The following RPS2 variants were observed in gnomAD, a reference collection of about 807,000 sequenced individuals.
RPS2 encodes the protein small ribosomal subunit protein uS5.
Under a neutral mutation model 25.3 loss-of-function variants are expected in RPS2, and 8 were observed. The ratio of observed to expected loss-of-function variants is 0.32; its 90% CI spans 0.19 to 0.57. The LOEUF (loss-of-function observed/expected upper bound fraction) is 0.57. Among genes scored for constraint, RPS2 ranks in the 20% least tolerant of loss-of-function variants. The pLI is 0.90. For synonymous variants in RPS2, 181 were observed against 161.3 expected, an observed-to-expected ratio of 1.12 and a Z score of -0.92; for missense variants, 229 against 408.1, an observed-to-expected ratio of 0.56 and a Z score of 3.78.
At position 1,963,222 on chromosome 16, in the gene RPS2, G is replaced by C. The variant is rs1207931958; in HGVS notation, c.302C>G (p.Ser101Cys). ...AATCTTCAAAACCTCATCCTTGAGAGAGGCCCCCAGGAAGAAATCAATGAT... is the reference window on the plus strand; with the variant it reads ...AATCTTCAAAACCTCATCCTTGAGACAGGCCCCCAGGAAGAAATCAATGAT... ...SEIIDFFLGA[S>C]LKDEVLKIMP... is the part of the protein sequence containing the mutation. Residue 101 changes from serine (S) to cysteine (C), a missense_variant, in exon 4 of 7, where the codon TCT becomes TGT. Physicochemically the swap from Ser to Cys is moderately radical, Grantham distance 112. This residue lies in a region of RPS2 where 70 missense variants were observed against 119.0 expected (regional missense o/e 0.59). Transcript: ENST00000343262. The C allele has an allele frequency of 1.9e-6, 3 of 1,552,022 alleles. No individual in the cohort carries two copies. The highest frequency in any genetic ancestry group is 1.9e-5 in the Admixed American group (1 of 53,076).
rs2083261075 is a variant in RPS2, at chr16:1,962,065, C to T, written c.*33G>A. 1 of 1,520,566 alleles carries T rather than the reference C, an allele frequency of 6.6e-7. No individual in the cohort carries two copies. The highest frequency in any genetic ancestry group is 8.8e-7 in the Non-Finnish European group (1 of 1,133,652). 94.2% of individuals were successfully genotyped at this position (1,520,566 alleles called of 1,614,324 possible). A position where few individuals can be genotyped will look rare whatever the true frequency, so the allele number is the denominator to read the frequency against. On this transcript the variant is annotated 3_prime_UTR_variant, in exon 7 of 7. Coordinates refer to ENST00000343262, the MANE Select transcript of RPS2 (RefSeq NM_002952.4). Reference sequence around the variant, plus strand: ...GACACGGGAAAAAAACAGTAACACGCTTAATTCACTTTATTTTTCTTGTAT... The same window carrying T: ...GACACGGGAAAAAAACAGTAACACGTTTAATTCACTTTATTTTTCTTGTAT...
In RPS2 at chr16:1,963,098, C is replaced by T. The variant is rs374620779; in HGVS notation, c.375+51G>A. ...GAAGCCAAGTGCAACTATGCAGAGCCGAGAGAGTCCCGGCAAGCCCAGCGC... is the reference window on the plus strand; with the variant it reads ...GAAGCCAAGTGCAACTATGCAGAGCTGAGAGAGTCCCGGCAAGCCCAGCGC... On this transcript the variant is annotated intron_variant, in intron 4 of 6. Coordinates refer to ENST00000343262, the MANE Select transcript of RPS2 (RefSeq NM_002952.4). 8 of 1,465,898 alleles carry T rather than the reference C, an allele frequency of 5.5e-6. No individual in the cohort carries two copies. The East Asian group carries it at 6.8e-5, about 12-fold the overall frequency. 90.8% of individuals were successfully genotyped at this position (1,465,898 alleles called of 1,614,324 possible).
At chr16:1,964,770 C>A in intron 1 of RPS2, 37 bp downstream of exon 1, 1 of 554,694 alleles carries the variant, frequency 1.8e-6, no homozygotes, top group Admixed American at 3.8e-5. Context: ...TCCCGCCGCC[C>A]ACGCAGAGGC....
chr16:1,964,178 C>A, intron 3 of RPS2, 98 bp downstream of exon 3: 1 of 886,066 alleles, frequency 1.1e-6, no homozygotes, highest in Non-Finnish European at 1.9e-6. Flanking sequence ...AGACGCTGGG[C>A]CCTTTAATGC....
rs1223985092 is a variant in RPS2, at chr16:1,964,603, G to A, written c.23C>T (p.Ala8Val). 1 of 1,517,502 alleles carries A rather than the reference G, an allele frequency of 6.6e-7. No individual in the cohort carries two copies. The highest frequency in any genetic ancestry group is 2.4e-5 in the East Asian group (1 of 42,260). 94.0% of individuals were successfully genotyped at this position (1,517,502 alleles called of 1,614,324 possible). ...GCCACCAGGGCCCCCGGGCCCCCCC[G>A]CTGCACCGGCGTCATCCGCCATTTG... is the stretch of plus-strand genomic sequence containing the variant. MADDAGA[A>V]GGPGGPGGPG... The change falls in exon 2 of 7, where the codon GCG becomes GTG. Residue 8 changes from alanine to valine, a missense_variant. Ala to Val is a moderately conservative substitution (Grantham distance 64). Transcript: ENST00000343262.
In RPS2 at chr16:1,964,456, T is replaced by C; in HGVS notation, c.170A>G (p.Asp57Gly). 1 of 1,611,162 alleles carries C rather than the reference T, an allele frequency of 6.2e-7. No homozygotes were observed. Reference protein sequence around the residue: ...GRGARGGKAEDKEWMPVTKLG... With the variant: ...GRGARGGKAEGKEWMPVTKLG... ...AGCGTGGCTGATACCTACCTCCTTATCCTCGGCCTTGCCTCCGCGAGCTCC... is the reference window on the plus strand; with the variant it reads ...AGCGTGGCTGATACCTACCTCCTTACCCTCGGCCTTGCCTCCGCGAGCTCC... The change falls in exon 2 of 7, where the codon GAT becomes GGT. Residue 57 changes from aspartate to glycine, a missense_variant. Physicochemically the swap from Asp to Gly is moderately conservative, Grantham distance 94 (BLOSUM62 -1). This residue lies in a region of RPS2 where 70 missense variants were observed against 119.0 expected (regional missense o/e 0.59). Coordinates refer to ENST00000343262, the MANE Select transcript of RPS2 (RefSeq NM_002952.4).
In RPS2 at chr16:1,963,619, C is replaced by CA. The variant is rs1045533064; in HGVS notation, c.268-364dup. On this transcript the variant is annotated intron_variant, in intron 3 of 6. Transcript: ENST00000343262. Reference sequence around the variant, plus strand: ...AAACTGTGTAACCGCCCACCCCGCCCAAAAAAAACCGAAGAAGTCATGAAC... The same window carrying CA: ...AAACTGTGTAACCGCCCACCCCGCCCAAAAAAAAACCGAAGAAGTCATGAAC... 4.6e-4 allele frequency: 153 copies of CA among 332,382 alleles called. 2 individuals are homozygous for CA. In the East Asian group the frequency reaches 5.6e-3, roughly 12 times the overall value. The allele number at this position is 332,382 out of a possible 1,614,324, so 20.6% of individuals were successfully genotyped here. A position where few individuals can be genotyped will look rare whatever the true frequency, so the allele number is the denominator to read the frequency against.
chr16:1,962,074 C>A lies in RPS2; in HGVS notation c.*24G>T, dbSNP rs764759160. 5.9e-6 allele frequency: 9 copies of A among 1,527,470 alleles called. No individual in the cohort carries two copies. Among genetic ancestry groups the A allele is most frequent in the Non-Finnish European group, 1.8e-6 (2 of 1,139,558 alleles). The allele number at this position is 1,527,470 out of a possible 1,614,324, so 94.6% of individuals were successfully genotyped here. On this transcript the variant is annotated 3_prime_UTR_variant, in exon 7 of 7. Coordinates refer to ENST00000343262, the MANE Select transcript of RPS2 (RefSeq NM_002952.4). Reference sequence around the variant, plus strand: ...AAAAAACAGTAACACGCTTAATTCACTTTATTTTTCTTGTATAAAAACCCT... The same window carrying A: ...AAAAAACAGTAACACGCTTAATTCAATTTATTTTTCTTGTATAAAAACCCT...
Position 1,964,611 on chromosome 16 carries a change from G to A in RPS2, c.15C>T (p.Ala5=), listed in dbSNP as rs776585687. The A allele has an allele frequency of 7.3e-6, 11 of 1,499,270 alleles. No homozygotes were observed. The African/African-American group carries it at 1.3e-4, about 18-fold the overall frequency. 92.9% of individuals were successfully genotyped at this position (1,499,270 alleles called of 1,614,324 possible). The change falls in exon 2 of 7, where the codon GCC becomes GCT. Residue 5 remains alanine (A), a synonymous_variant. Coordinates refer to ENST00000343262, the MANE Select transcript of RPS2 (RefSeq NM_002952.4). MADD[A]GAAGGPGGPG... Reference sequence around the variant, plus strand: ...GGCCCCCGGGCCCCCCCGCTGCACCGGCGTCATCCGCCATTTGCTGGGAAA... The same window carrying A: ...GGCCCCCGGGCCCCCCCGCTGCACCAGCGTCATCCGCCATTTGCTGGGAAA...
Position 1,964,494 on chromosome 16 carries a change from C to A in RPS2, c.132G>T (p.Arg44=). 2.5e-6 allele frequency: 4 copies of A among 1,604,624 alleles called. No individual in the cohort carries two copies. Among genetic ancestry groups the A allele is most frequent in the Non-Finnish European group, 3.4e-6 (4 of 1,176,460 alleles). The change falls in exon 2 of 7, where the codon CGG becomes CGT. Residue 44 remains arginine (R), a synonymous_variant. Transcript: ENST00000343262. ...RGRGRGRGRG[R]GRGRGARGGK... is the part of the protein sequence containing the mutation. ...CTCCGCGAGCTCCGCGGCCTCGGCC[C>A]CGGCCCCGTCCACGGCCGCGACCCC...
At chr16:1,964,711 C>T (rs773954859) in intron 1 of RPS2, 83 bp from the exon 2 acceptor site, 202 of 782,526 alleles carry the variant, frequency 2.6e-4, no homozygotes, top group Admixed American at 4.9e-4. Context: ...AGGGCTCCCG[C>T]CCAGGAGCGC....
chr16:1,962,281 AAAG>A lies in RPS2; in HGVS notation c.710-14_710-12del, dbSNP rs778021998. The A allele has an allele frequency of 6.2e-7, 1 of 1,612,580 alleles. No individual in the cohort carries two copies. The highest frequency in any genetic ancestry group is 1.7e-5 in the Admixed American group (1 of 59,998). Reference sequence around the variant, plus strand: ...CAAAGGTGGCCTTGGCTGCAAAACAAAAGAACCCCAGGAGGGTCAGTGGTGTGC... The same window carrying A: ...CAAAGGTGGCCTTGGCTGCAAAACAAAACCCCAGGAGGGTCAGTGGTGTGC... On this transcript the variant is annotated splice_polypyrimidine_tract_variant and intron_variant, in intron 6 of 6. Coordinates refer to ENST00000343262, the MANE Select transcript of RPS2 (RefSeq NM_002952.4).
intron 4 of RPS2, 92 bp from the exon 5 acceptor site, chr16:1,963,001 G>A (rs779526396): frequency 1.6e-5 from 23 of 1,459,640 alleles, no homozygotes; most frequent in East Asian, 4.5e-5. Context: ...GGAAAGAGAG[G>A]CCACAGTAAG....
chr16:1,964,203 T>A, intron 3 of RPS2, 73 bp downstream of exon 3: 1 of 1,119,478 alleles, frequency 8.9e-7, no homozygotes, highest in Non-Finnish European at 1.4e-6. Context: ...CAATGGCAGA[T>A]GCTAATCCTC....
chr16:1,963,933 T>C, intron 3 of RPS2: 1 of 398,606 alleles, frequency 2.5e-6, no homozygotes, highest in Non-Finnish European at 4.9e-6. Flanking sequence ...ACGCGGACTA[T>C]GACAGTTTGC....
chr16:1,963,025 C>T (rs1432203136), intron 4 of RPS2, 116 bp from the exon 5 acceptor site: 1 of 1,377,766 alleles, frequency 7.3e-7, no homozygotes, highest in African/African-American at 1.4e-5. Context: ...CATCCGAGGT[C>T]CTGAGGAGAT....
intron 1 of RPS2, 29 bp downstream of exon 1, chr16:1,964,778 G>C (rs957231440): frequency 9.0e-6 from 5 of 553,948 alleles, no homozygotes; most frequent in Non-Finnish European, 3.1e-6. Flanking sequence ...CCCACGCAGA[G>C]GCCCGCTGCA....
chr16:1,964,572 C>T lies in RPS2; in HGVS notation c.54G>A (p.Gly18=), dbSNP rs2083289756. ...CGCGGAAGCCACCGCGGTTCCCCATCCCAGGGCCACCAGGGCCCCCGGGCC... is the reference window on the plus strand; with the variant it reads ...CGCGGAAGCCACCGCGGTTCCCCATTCCAGGGCCACCAGGGCCCCCGGGCC... ...AGGPGGPGGP[G]MGNRGGFRGG... The change falls in exon 2 of 7, where the codon GGG becomes GGA. Residue 18 remains glycine, a synonymous_variant. Coordinates refer to ENST00000343262, the MANE Select transcript of RPS2 (RefSeq NM_002952.4). 1 of 1,579,116 alleles carries T rather than the reference C, an allele frequency of 6.3e-7. No homozygotes were observed. Among genetic ancestry groups the T allele is most frequent in the Non-Finnish European group, 8.6e-7 (1 of 1,166,196 alleles).
intron 3 of RPS2, chr16:1,963,559 T>A: frequency 2.8e-6 from 1 of 355,790 alleles, no homozygotes. Context: ...GAGGTTGCAG[T>A]GAGCCGAGAT....
Sources: gnomAD v4.1 joint callset for allele counts on GRCh38, gnomAD v4.1.1 for gene constraint, gnomAD v4.1.1 regional missense constraint, MANE v1.5 for transcripts, NCBI Gene and HGNC (gene_info 2026-07-23, HGNC 2026-07-21) for gene names.